ZNF521: variants seen among roughly 807,000 people sequenced by gnomAD.
ZNF521 encodes zinc finger protein 521.
In ZNF521, 14 loss-of-function variants were observed where a neutral mutation model predicts 105.5. The ratio of observed to expected loss-of-function variants is 0.13; its 90% CI spans 0.09 to 0.21. The LOEUF (loss-of-function observed/expected upper bound fraction) is 0.21, where lower values mean the gene tolerates loss of function less well. Ranked by LOEUF, ZNF521 falls within the 10% of genes least tolerant of loss-of-function variation. ZNF521 has a pLI of 1.00. For missense variants in ZNF521, 1,233 were observed against 1,629.7 expected (o/e 0.76, Z 4.19); for synonymous variants, 635 against 606.0 (o/e 1.05, Z -0.70).
chr18:25,172,213 A>G (rs1205308444), intron 5 of ZNF521, among the ~76,000 whole-genome samples: 2 of 152,198 alleles, frequency 1.3e-5, no homozygotes, highest in Non-Finnish European at 2.9e-5. Context: ...CAGACATTCA[A>G]TAAATACATT....
intron 5 of ZNF521, among the ~76,000 whole-genome samples, chr18:25,187,008 T>C (rs2035736664): frequency 6.6e-6 from 1 of 151,840 alleles, no homozygotes; most frequent in South Asian, 2.1e-4. Context: ...GGCTGCAAGA[T>C]TGTGTCTGAT....
chr18:25,234,730 T>C (rs377083544), intron 3 of ZNF521, among the ~76,000 whole-genome samples: 4 of 152,272 alleles, frequency 2.6e-5, no homozygotes, highest in South Asian at 4.1e-4. Context: ...AACTCATAAA[T>C]GTGAGAACAG....
chr18:25,278,223 T>C (rs1219042754), intron 3 of ZNF521, among the ~76,000 whole-genome samples: 1 of 152,220 alleles, frequency 6.6e-6, no homozygotes, highest in Non-Finnish European at 1.5e-5. Flanking sequence ...GTATTTTGAA[T>C]AGCACTTAAA....
chr18:25,305,448 A>T (rs1365628784), intron 3 of ZNF521, among the ~76,000 whole-genome samples: 1 of 152,176 alleles, frequency 6.6e-6, no homozygotes, highest in Non-Finnish European at 1.5e-5. Context: ...CAGGCTAAAA[A>T]CTGATGACAG....
At position 25,344,204 on chromosome 18, in the gene ZNF521, T is replaced by TAAAAAA. The variant is rs200619989; in HGVS notation, c.40+6697_40+6702dup. ...GGTGCCTAAAATTAAAGTTTTTTAT[T>TAAAAAA]AAAAAAAAAAAAAAAGCTGCGATTC... On this transcript the variant is annotated intron_variant, in intron 2 of 7. Transcript: ENST00000361524. Among the ~76,000 whole-genome samples the TAAAAAA allele has an allele frequency of 5.3e-3, 747 of 141,290 alleles. 9 individuals carry two copies. The highest frequency in any genetic ancestry group is 0.012 in the African/African-American group (471 of 38,236). 92.7% of individuals were successfully genotyped at this position (141,290 alleles called of 152,430 possible).
chr18:25,207,746 G>A (rs958004630), intron 4 of ZNF521, among the ~76,000 whole-genome samples: 2 of 152,126 alleles, frequency 1.3e-5, no homozygotes, highest in African/African-American at 4.8e-5. Flanking sequence ...CCTAGATTCT[G>A]CATCATACAA....
chr18:25,072,001 A>G (rs1207608027), intron 7 of ZNF521, among the ~76,000 whole-genome samples: 1 of 152,198 alleles, frequency 6.6e-6, no homozygotes, highest in African/African-American at 2.4e-5. Context: ...CAGAGGGCAG[A>G]GGGCAGGAAC....
intron 5 of ZNF521, among the ~76,000 whole-genome samples, chr18:25,151,279 C>T (rs1346850464): frequency 1.3e-5 from 2 of 152,170 alleles, no homozygotes; most frequent in Non-Finnish European, 2.9e-5. Flanking sequence ...CCTTGGCCTT[C>T]CTGGGACTCT....
chr18:25,071,677 A>G lies in ZNF521; in HGVS notation c.3907-8936T>C, dbSNP rs192424646. On this transcript the variant is annotated intron_variant, in intron 7 of 7. Coordinates refer to ENST00000361524, the MANE Select transcript of ZNF521 (RefSeq NM_015461.3). ...AGCATCTGGTCCAGTATCTTATTTT[A>G]TAGATGAGAAAATTAAGTCCCAGAG... Among the ~76,000 whole-genome samples the G allele has an allele frequency of 5.4e-3, 825 of 152,244 alleles. 9 individuals carry two copies. Among genetic ancestry groups the G allele is most frequent in the African/African-American group, 0.019 (786 of 41,544 alleles).
intron 5 of ZNF521, among the ~76,000 whole-genome samples, chr18:25,101,006 C>A (rs1039545623): frequency 6.6e-6 from 1 of 152,174 alleles, no homozygotes; most frequent in Non-Finnish European, 1.5e-5. Flanking sequence ...GCACATGCAG[C>A]TGTGGGGTCA....
chr18:25,132,406 T>G (rs1337690910), intron 5 of ZNF521, among the ~76,000 whole-genome samples: 3 of 152,158 alleles, frequency 2.0e-5, no homozygotes, highest in African/African-American at 7.2e-5. Flanking sequence ...TAATCATCTA[T>G]TAAACACTGT....
intron 4 of ZNF521, among the ~76,000 whole-genome samples, chr18:25,223,063 C>G (rs991153692): frequency 1.3e-5 from 2 of 152,142 alleles, no homozygotes; most frequent in African/African-American, 4.8e-5. Context: ...TTAAAAAATT[C>G]CGAAGTAAAA....
chr18:25,137,881 G>A (rs2034767082), intron 5 of ZNF521, among the ~76,000 whole-genome samples: 2 of 152,130 alleles, frequency 1.3e-5, no homozygotes, highest in African/African-American at 2.4e-5. Context: ...TAAGGCCACC[G>A]TTCTTTATGC....
At chr18:25,207,613 T>C (rs1030770431) in intron 4 of ZNF521, among the ~76,000 whole-genome samples, 22 of 152,168 alleles carry the variant, frequency 1.4e-4, no homozygotes, top group Non-Finnish European at 5.9e-5. Flanking sequence ...ACAGAGAGCA[T>C]TTGTGAAAGG....
chr18:25,126,801 A>G (rs950995169), intron 5 of ZNF521, among the ~76,000 whole-genome samples: 10 of 152,124 alleles, frequency 6.6e-5, no homozygotes, highest in African/African-American at 2.2e-4. Flanking sequence ...TTAAAAATTA[A>G]AAAAACCAAA....
chr18:25,129,841 T>A (rs989724206), intron 5 of ZNF521, among the ~76,000 whole-genome samples: 11 of 152,258 alleles, frequency 7.2e-5, no homozygotes, highest in Admixed American at 2.6e-4. Context: ...CAAAACCAAA[T>A]GCTGGCAATG....
rs973098376 is a variant in ZNF521, at chr18:25,290,166, T to G, written c.220+31842A>C. On this transcript the variant is annotated intron_variant, in intron 3 of 7. Transcript: ENST00000361524. ...AAAGCAGCCAAATTGATGAACTGCA[T>G]GCAGTCTGCGGTTTATAAGCATCCA... Among the ~76,000 whole-genome samples the G allele has an allele frequency of 1.8e-4, 28 of 152,344 alleles. 1 individual carries two copies. The highest frequency in any genetic ancestry group is 1.2e-3 in the Admixed American group (18 of 15,302).
At chr18:25,333,772 C>T (rs1214313734) in intron 2 of ZNF521, among the ~76,000 whole-genome samples, 1 of 152,172 alleles carries the variant, frequency 6.6e-6, no homozygotes, top group East Asian at 1.9e-4. Flanking sequence ...GGTAAAGTGC[C>T]TTAATCTGCC....
intron 3 of ZNF521, among the ~76,000 whole-genome samples, chr18:25,287,587 G>T (rs1910778695): frequency 6.8e-6 from 1 of 147,520 alleles, no homozygotes; most frequent in Non-Finnish European, 1.5e-5. Context: ...CCCTCCTTAA[G>T]AAATTCAGGA....
Sources: gnomAD v4.1 joint callset for allele counts (sites outside exome capture counted in the v4.1 genomes callset) on GRCh38, gnomAD v4.1.1 for gene constraint, MANE v1.5 for transcripts, NCBI Gene and HGNC (gene_info 2026-07-23, HGNC 2026-07-21) for gene names.